Variants in ENOX1 observed in about 807,000 individuals in gnomAD.
The protein encoded by ENOX1 is ecto-NOX disulfide-thiol exchanger 1.
In ENOX1, 42 loss-of-function variants were observed where a neutral mutation model predicts 82.5. The ratio of observed to expected loss-of-function variants is 0.51; its 90% CI spans 0.40 to 0.66. ENOX1 has a LOEUF of 0.66. ENOX1 is among the 30% of genes least tolerant of loss of function. The pLI, the probability that ENOX1 is intolerant of heterozygous loss-of-function variation, is 0.00. For missense variants in ENOX1, 608 were observed against 811.6 expected, an observed-to-expected ratio of 0.75 and a Z score of 3.05; for synonymous variants, 271 against 282.2, an observed-to-expected ratio of 0.96 and a Z score of 0.40.
chr13:43,478,758 C>G (rs2058391981), intron 3 of ENOX1, among the ~76,000 whole-genome samples: 4 of 152,082 alleles, frequency 2.6e-5, no homozygotes, highest in Non-Finnish European at 4.4e-5. Context: ...TTGAGATACC[C>G]CTACTGGAAA....
At position 43,641,093 on chromosome 13, in the gene ENOX1, C is replaced by T. The variant is rs145074706; in HGVS notation, c.-219+26386G>A. 8.3e-4 allele frequency among the ~76,000 whole-genome samples: 127 copies of T among 152,238 alleles called. 1 individual carries two copies. In the East Asian group the frequency reaches 0.019, roughly 23 times the overall value. The stretch of plus-strand genomic sequence containing the variant: ...TATTAACTAAAAATTGTTTCCCCCA[C>T]GCCTCCATTAAATAAATATACATCA... On this transcript the variant is annotated intron_variant, in intron 2 of 16. Coordinates refer to ENST00000690772, the MANE Select transcript of ENOX1 (RefSeq NM_001347969.2).
Position 43,245,817 on chromosome 13 carries a change from C to T in ENOX1, c.1612-9079G>A, listed in dbSNP as rs552093341. 3.3e-5 allele frequency among the ~76,000 whole-genome samples: 5 copies of T among 152,268 alleles called. No homozygotes were observed. In the South Asian group the frequency reaches 1.0e-3, roughly 32 times the overall value. ...ATGCAGTGATTCATCATGATGTGAC[C>T]ATATTTTACATTCTGAGATGTTCCA... On this transcript the variant is annotated intron_variant, in intron 14 of 16. Transcript: ENST00000690772.
At chr13:43,572,352 G>A (rs1334709962) in intron 2 of ENOX1, among the ~76,000 whole-genome samples, 1 of 152,182 alleles carries the variant, frequency 6.6e-6, no homozygotes, top group Admixed American at 6.5e-5. Flanking sequence ...CCTTAACTAA[G>A]CTGAGGACAG....
At chr13:43,326,980 G>A (rs776859811) in intron 9 of ENOX1, among the ~76,000 whole-genome samples, 1 of 152,170 alleles carries the variant, frequency 6.6e-6, no homozygotes, top group Non-Finnish European at 1.5e-5. Context: ...TTTATCTCAA[G>A]GACTCAATCA....
At chr13:43,653,341 T>A (rs1739137558) in intron 2 of ENOX1, among the ~76,000 whole-genome samples, 1 of 152,210 alleles carries the variant, frequency 6.6e-6, no homozygotes, top group South Asian at 2.1e-4. Context: ...ACTTTTTAAA[T>A]CCAGAGAATG....
intron 11 of ENOX1, among the ~76,000 whole-genome samples, chr13:43,319,656 T>C (rs1391869421): frequency 1.3e-5 from 2 of 152,158 alleles, no homozygotes; most frequent in Non-Finnish European, 2.9e-5. Context: ...CAGAGCGCCC[T>C]GCAGTGGGTG....
intron 3 of ENOX1, among the ~76,000 whole-genome samples, chr13:43,475,559 TATTA>T (rs2058243155): frequency 1.3e-5 from 2 of 152,160 alleles, no homozygotes; most frequent in South Asian, 2.1e-4. Context: ...TCTCAATACT[TATTA>T]ATTAATCTTT....
At chr13:43,305,561 G>GA (rs35122430) in intron 11 of ENOX1, among the ~76,000 whole-genome samples, 47,260 of 151,102 alleles carry the variant, frequency 0.31, 8,655 homozygotes, top group Middle Eastern at 0.43. Flanking sequence ...GGTGACTCAG[G>GA]AAAAAAAAAT....
intron 11 of ENOX1, among the ~76,000 whole-genome samples, chr13:43,300,467 G>A (rs1186926894): frequency 6.6e-6 from 1 of 152,172 alleles, no homozygotes; most frequent in African/African-American, 2.4e-5. Context: ...GAATAAAAGA[G>A]GGCTTTGGAA....
intron 2 of ENOX1, among the ~76,000 whole-genome samples, chr13:43,619,264 TC>T (rs2082621050): frequency 1.3e-5 from 2 of 152,144 alleles, no homozygotes; most frequent in South Asian, 4.2e-4. Flanking sequence ...GGCTAGGACT[TC>T]CAGTACTATG....
intron 12 of ENOX1, among the ~76,000 whole-genome samples, chr13:43,276,295 G>C (rs552871632): frequency 1.3e-5 from 2 of 152,262 alleles, no homozygotes; most frequent in South Asian, 4.1e-4. Flanking sequence ...ATACCCATGA[G>C]TGTCCCGCCC....
rs937347089 is a variant in ENOX1, at chr13:43,470,922, G to C, written c.-75+13087C>G. On this transcript the variant is annotated intron_variant, in intron 3 of 16. Transcript: ENST00000690772. ...TAAAACTCTCACATTTTGTTGGTGG[G>C]AATATAAACAATTACTTTGGAAAAG... Among the ~76,000 whole-genome samples the C allele has an allele frequency of 1.1e-4, 17 of 152,130 alleles. No individual in the cohort carries two copies. The South Asian group carries it at 2.7e-3, about 24-fold the overall frequency.
chr13:43,453,916 T>A (rs1315425984), intron 3 of ENOX1, among the ~76,000 whole-genome samples: 1 of 152,130 alleles, frequency 6.6e-6, no homozygotes, highest in Non-Finnish European at 1.5e-5. Context: ...TAGGTGTAGA[T>A]GATGGGAAAT....
intron 1 of ENOX1, among the ~76,000 whole-genome samples, chr13:43,716,035 C>T (rs1448021348): frequency 3.3e-5 from 5 of 152,198 alleles, no homozygotes; most frequent in African/African-American, 1.2e-4. Flanking sequence ...GTTTGATCAT[C>T]TCTGAAGCCT....
At chr13:43,420,336 CT>C (rs1369569490) in intron 3 of ENOX1, among the ~76,000 whole-genome samples, 1 of 152,214 alleles carries the variant, frequency 6.6e-6, no homozygotes, top group Non-Finnish European at 1.5e-5. Context: ...AATCTTCCCA[CT>C]GAGGAACAAC....
rs560567409 is a variant in ENOX1 at position 43,423,339 on chromosome 13, A to C, written c.-74-10351T>G. ...TTGCTGGTGAGTAAATTATTCAAGA[A>C]AGCAATATTATCAGTAAACATAAGC... is the stretch of plus-strand genomic sequence containing the variant. On this transcript the variant is annotated intron_variant, in intron 3 of 16. Transcript: ENST00000690772. 3.3e-5 allele frequency among the ~76,000 whole-genome samples: 5 copies of C among 152,314 alleles called. No individual in the cohort carries two copies. The East Asian group carries it at 9.6e-4, about 29-fold the overall frequency.
chr13:43,766,724 G>C (rs1406453409), intron 1 of ENOX1, among the ~76,000 whole-genome samples: 1 of 152,066 alleles, frequency 6.6e-6, no homozygotes, highest in Non-Finnish European at 1.5e-5. Context: ...TAAATTTGTA[G>C]ACACAGACAA....
intron 1 of ENOX1, among the ~76,000 whole-genome samples, chr13:43,668,467 C>T (rs529373753): frequency 1.3e-5 from 2 of 152,310 alleles, no homozygotes; most frequent in African/African-American, 4.8e-5. Context: ...TCTCCAGAAA[C>T]ACCTTACATC....
chr13:43,338,357 C>T (rs1417906857), intron 9 of ENOX1, among the ~76,000 whole-genome samples: 5 of 152,080 alleles, frequency 3.3e-5, no homozygotes, highest in South Asian at 2.1e-4. Flanking sequence ...CCAACGTCTC[C>T]GAGTTGGAAA....
Sources: gnomAD v4.1 joint callset for allele counts (sites outside exome capture counted in the v4.1 genomes callset) on GRCh38, gnomAD v4.1.1 for gene constraint, MANE v1.5 for transcripts, NCBI Gene and HGNC (gene_info 2026-07-23, HGNC 2026-07-21) for gene names.